Variants in BLOC1S5 observed in about 807,000 individuals in gnomAD.
BLOC1S5 encodes biogenesis of lysosome-related organelles complex 1 subunit 5.
A neutral mutation model predicts 24.3 loss-of-function variants in BLOC1S5; 27 were observed. The observed-to-expected ratio is 1.11, with a 90% confidence interval of 0.82 to 1.53. The LOEUF (loss-of-function observed/expected upper bound fraction) is 1.53. Among genes scored for constraint, BLOC1S5 ranks in the 40% most tolerant of loss-of-function variants. The pLI is 0.00. For synonymous variants in BLOC1S5, 84 were observed against 74.5 expected (o/e 1.13, Z -0.66); for missense variants, 239 against 229.4 (o/e 1.04, Z -0.27).
Position 8,041,188 on chromosome 6 carries a change from G to A in BLOC1S5, c.276C>T (p.Pro92=). 1 of 1,612,102 alleles carries A rather than the reference G, an allele frequency of 6.2e-7. No individual in the cohort carries two copies. The highest frequency in any genetic ancestry group is 8.5e-7 in the Non-Finnish European group (1 of 1,179,178). ...TGTCCCGCATTGTGTCTCTACATTT[G>A]GGAAGAGTATGTTCATTTGTTTCAT... ...MIHETNEHTL[P]KCRDTMRDSL... is the part of the protein sequence containing the mutation. The change falls in exon 3 of 5, where the codon CCC becomes CCT. Residue 92 remains proline, a synonymous_variant. Transcript: ENST00000397457.
intron 2 of BLOC1S5, among the ~76,000 whole-genome samples, chr6:8,060,895 G>A (rs1454696223): frequency 2.0e-5 from 3 of 152,112 alleles, no homozygotes; most frequent in Non-Finnish European, 2.9e-5. Context: ...CGCGTTCTCG[G>A]CTCACTGCAA....
At chr6:8,034,027 C>T (rs1038629582) in intron 3 of BLOC1S5, among the ~76,000 whole-genome samples, 1 of 152,134 alleles carries the variant, frequency 6.6e-6, no homozygotes, top group Non-Finnish European at 1.5e-5. Context: ...TTACACTGTT[C>T]GTGGGAGTGT....
chr6:8,051,068 G>A (rs56097182), intron 2 of BLOC1S5, among the ~76,000 whole-genome samples: 30,962 of 151,762 alleles, frequency 0.2, 3,446 homozygotes, highest in African/African-American at 0.28. Context: ...CACACCTGTA[G>A]TCCCAGCTAC....
At chr6:8,019,222 T>A (rs1762837894) in intron 4 of BLOC1S5, among the ~76,000 whole-genome samples, 2 of 152,184 alleles carry the variant, frequency 1.3e-5, no homozygotes, top group South Asian at 2.1e-4. Flanking sequence ...CTCCACGCTA[T>A]CGTTTCCTAG....
chr6:8,024,361 A>C (rs1763035434), intron 4 of BLOC1S5, among the ~76,000 whole-genome samples: 2 of 151,830 alleles, frequency 1.3e-5, no homozygotes, highest in African/African-American at 4.8e-5. Flanking sequence ...CCCTGTCTCT[A>C]CTAAAAATAC....
Position 8,015,842 on chromosome 6 carries a change from A to G in BLOC1S5, c.385-14T>C, listed in dbSNP as rs1432003393. On this transcript the variant is annotated splice_polypyrimidine_tract_variant and intron_variant, in intron 4 of 4. Coordinates refer to ENST00000397457, the MANE Select transcript of BLOC1S5 (RefSeq NM_201280.3). ...GTCACTATGAATCTGAGAAAAGAAA[A>G]TTAGAAAGTCACACGACATTTTCCA... is the stretch of plus-strand genomic sequence containing the variant. 6.3e-7 allele frequency: 1 copy of G among 1,590,720 alleles called. No individual in the cohort carries two copies.
chr6:8,040,870 A>T (rs1435784814), intron 3 of BLOC1S5, among the ~76,000 whole-genome samples: 1 of 152,054 alleles, frequency 6.6e-6, no homozygotes, highest in Non-Finnish European at 1.5e-5. Context: ...AAAAAAAAAA[A>T]ATTTGTAAAA....
chr6:8,029,088 ATTCATTCTATCATGGTGTCTATAAGT>A (rs1561858233), intron 3 of BLOC1S5, among the ~76,000 whole-genome samples: 110 of 152,334 alleles, frequency 7.2e-4, no homozygotes, highest in African/African-American at 2.6e-3. Flanking sequence ...AAAGAAACAA[ATTCATTCTATCATGGTGTCTATAAGT>A]AAACCTCAAA....
rs1581416437 is a variant in BLOC1S5 at position 8,041,181 on chromosome 6, T to C, written c.283A>G (p.Arg95Gly). 4 of 1,611,884 alleles carry C rather than the reference T, an allele frequency of 2.5e-6. No individual in the cohort carries two copies. Among genetic ancestry groups the C allele is most frequent in the Non-Finnish European group, 8.5e-7 (1 of 1,179,112 alleles). The change falls in exon 3 of 5, where the codon AGA becomes GGA. Residue 95 changes from arginine (R) to glycine (G), a missense_variant. By Grantham distance (125) the Arg-to-Gly change is moderately radical. Transcript: ENST00000397457. The stretch of plus-strand genomic sequence containing the variant: ...CTGAGGCTGTCCCGCATTGTGTCTC[T>C]ACATTTGGGAAGAGTATGTTCATTT... ...ETNEHTLPKC[R>G]DTMRDSLSQV...
chr6:8,047,891 C>A (rs1043105229), intron 2 of BLOC1S5, among the ~76,000 whole-genome samples: 1 of 152,140 alleles, frequency 6.6e-6, no homozygotes, highest in Non-Finnish European at 1.5e-5. Context: ...GAGAAACTGC[C>A]CCCAACAACA....
At chr6:8,051,996 G>A (rs904210011) in intron 2 of BLOC1S5, among the ~76,000 whole-genome samples, 7 of 126,668 alleles carry the variant, frequency 5.5e-5, no homozygotes, top group Admixed American at 2.9e-4. Context: ...TTTTTGAGAC[G>A]GAGTCTTGCC....
intron 3 of BLOC1S5, among the ~76,000 whole-genome samples, chr6:8,029,797 G>A (rs765297641): frequency 3.7e-4 from 56 of 152,168 alleles, no homozygotes; most frequent in Non-Finnish European, 6.9e-4. Flanking sequence ...TGGGTTTAAG[G>A]TGCAGTCTAG....
At chr6:8,016,456 TA>T (rs1762737566) in intron 4 of BLOC1S5, among the ~76,000 whole-genome samples, 2 of 152,146 alleles carry the variant, frequency 1.3e-5, no homozygotes, top group African/African-American at 4.8e-5. Context: ...AAACCAATTT[TA>T]AAAAAATATA....
chr6:8,020,455 G>A (rs1460270364), intron 4 of BLOC1S5, among the ~76,000 whole-genome samples: 2 of 152,170 alleles, frequency 1.3e-5, no homozygotes, highest in East Asian at 3.9e-4. Context: ...CTTGCCCTAG[G>A]GGCCAGTTCT....
At chr6:8,052,661 G>C (rs1220401032) in intron 2 of BLOC1S5, among the ~76,000 whole-genome samples, 1 of 151,954 alleles carries the variant, frequency 6.6e-6, no homozygotes, top group Admixed American at 6.6e-5. Context: ...GGGAGGCTCA[G>C]GCTGGCAGAT....
intron 2 of BLOC1S5, among the ~76,000 whole-genome samples, chr6:8,059,199 A>G (rs1397001230): frequency 6.6e-6 from 1 of 152,228 alleles, no homozygotes; most frequent in Non-Finnish European, 1.5e-5. Context: ...CTCTGTCCAT[A>G]ATGTTCATTG....
intron 3 of BLOC1S5, among the ~76,000 whole-genome samples, chr6:8,027,599 C>T (rs1019083553): frequency 2.6e-5 from 4 of 152,134 alleles, no homozygotes; most frequent in Non-Finnish European, 5.9e-5. Context: ...TCTGGGAGGC[C>T]GTGGCGGGCA....
At chr6:8,053,184 G>A (rs775982291) in intron 2 of BLOC1S5, among the ~76,000 whole-genome samples, 4 of 152,146 alleles carry the variant, frequency 2.6e-5, no homozygotes, top group Non-Finnish European at 2.9e-5. Flanking sequence ...GACAATAAAA[G>A]GTTTAGAATA....
chr6:8,025,802 T>C (rs929352754), intron 4 of BLOC1S5, among the ~76,000 whole-genome samples: 17 of 152,186 alleles, frequency 1.1e-4, no homozygotes, highest in Admixed American at 5.2e-4. Context: ...TTTAGAGCAA[T>C]GAATAAGTTA....
Sources: gnomAD v4.1 joint callset for allele counts (sites outside exome capture counted in the v4.1 genomes callset) on GRCh38, gnomAD v4.1.1 for gene constraint, MANE v1.5 for transcripts, NCBI Gene and HGNC (gene_info 2026-07-23, HGNC 2026-07-21) for gene names.